FMN1: variants seen among roughly 807,000 people sequenced by gnomAD.
The protein encoded by FMN1 is formin-1.
In FMN1, 110 loss-of-function variants were observed where a neutral mutation model predicts 132.4. The observed-to-expected ratio is 0.83, with a 90% confidence interval of 0.71 to 0.97. FMN1 has a LOEUF of 0.97. Ranked by LOEUF, FMN1 falls within the 50% of genes least tolerant of loss-of-function variation. The pLI is 0.00. For synonymous variants in FMN1, 722 were observed against 651.7 expected (o/e 1.11, Z -1.64); for missense variants, 1,792 against 1,705.3 (o/e 1.05, Z -0.90).
chr15:32,798,754 A>G (rs777224503), intron 19 of FMN1, 50 bp downstream of exon 19: 2 of 1,499,870 alleles, frequency 1.3e-6, no homozygotes, highest in Non-Finnish European at 1.8e-6. Flanking sequence ...TTAAGAGTGC[A>G]GTTTCCTAGG....
chr15:32,842,768 T>C (rs2058772608), intron 17 of FMN1, among the ~76,000 whole-genome samples: 2 of 149,474 alleles, frequency 1.3e-5, no homozygotes, highest in African/African-American at 2.5e-5. Flanking sequence ...CCTCTGTCTT[T>C]GAGATGAGGG....
chr15:32,926,268 T>TAA lies in FMN1; in HGVS notation c.3139-8_3139-7insTT. ...CATCCAACAATTTGATGATCTAAAATTAGAAAAAAAAAAAAAAGAATACAA... is the reference window on the plus strand; with the variant it reads ...CATCCAACAATTTGATGATCTAAAATAATAGAAAAAAAAAAAAAAGAATACAA... On this transcript the variant is annotated splice_polypyrimidine_tract_variant and splice_region_variant and intron_variant, in intron 9 of 20. Coordinates refer to ENST00000616417, the MANE Select transcript of FMN1 (RefSeq NM_001277313.2). 1 of 1,434,604 alleles carries TAA rather than the reference T, an allele frequency of 7.0e-7. No homozygotes were observed. Among genetic ancestry groups the TAA allele is most frequent in the South Asian group, 1.3e-5 (1 of 74,278 alleles). 88.9% of individuals were successfully genotyped at this position (1,434,604 alleles called of 1,614,324 possible).
chr15:32,782,658 A>G (rs995235899), intron 19 of FMN1, among the ~76,000 whole-genome samples: 1 of 152,220 alleles, frequency 6.6e-6, no homozygotes, highest in African/African-American at 2.4e-5. Context: ...TTAATCAAAG[A>G]AAATTTGCTG....
chr15:32,884,396 G>A (rs1286492142), intron 16 of FMN1, among the ~76,000 whole-genome samples: 6 of 151,972 alleles, frequency 3.9e-5, no homozygotes, highest in South Asian at 2.1e-4. Context: ...TCATTCTTAC[G>A]TCGTTATATC....
chr15:33,137,087 C>CAAA (rs3082373), intron 4 of FMN1, among the ~76,000 whole-genome samples: 2 of 52,422 alleles, frequency 3.8e-5, no homozygotes, highest in Non-Finnish European at 6.5e-5. Flanking sequence ...GACCCCGTCT[C>CAAA]AAAAAAAAAA....
intron 17 of FMN1, among the ~76,000 whole-genome samples, chr15:32,822,326 G>A (rs538256271): frequency 1.3e-5 from 2 of 152,176 alleles, no homozygotes; most frequent in South Asian, 2.1e-4. Flanking sequence ...TCCAGGCCTG[G>A]GTGACAGAGT....
Position 32,810,211 on chromosome 15 carries a change from C to T in FMN1, c.3929-5879G>A, listed in dbSNP as rs191961076. On this transcript the variant is annotated intron_variant, in intron 17 of 20. Coordinates refer to ENST00000616417, the MANE Select transcript of FMN1 (RefSeq NM_001277313.2). Reference sequence around the variant, plus strand: ...GGATTACAGGCGTGAGCCACCGTGCCCAGCCTTGTGTACTTATTTGACAGA... The same window carrying T: ...GGATTACAGGCGTGAGCCACCGTGCTCAGCCTTGTGTACTTATTTGACAGA... Among the ~76,000 whole-genome samples the T allele has an allele frequency of 9.2e-5, 14 of 152,324 alleles. No individual in the cohort carries two copies. In the East Asian group the frequency reaches 2.7e-3, roughly 29 times the overall value.
At chr15:32,995,041 T>C (rs1175848006) in intron 7 of FMN1, among the ~76,000 whole-genome samples, 1 of 152,086 alleles carries the variant, frequency 6.6e-6, no homozygotes, top group Admixed American at 6.6e-5. Context: ...CCTCCAGTGG[T>C]GAGATTGTGG....
At chr15:32,983,981 A>T (rs527841176) in intron 7 of FMN1, among the ~76,000 whole-genome samples, 2 of 152,186 alleles carry the variant, frequency 1.3e-5, no homozygotes, top group Non-Finnish European at 2.9e-5. Flanking sequence ...TTAAAAGCTC[A>T]AAGTGTTAGG....
chr15:33,087,814 CAT>C (rs2038756844), intron 5 of FMN1, among the ~76,000 whole-genome samples: 1 of 92,068 alleles, frequency 1.1e-5, no homozygotes, highest in African/African-American at 4.6e-5. Context: ...TACATATACA[CAT>C]ATATATACAT....
At chr15:33,067,289 G>A (rs368779133) in intron 5 of FMN1, 61 of 1,613,640 alleles carry the variant, frequency 3.8e-5, no homozygotes, top group Non-Finnish European at 5.0e-5. Flanking sequence ...ACAGAGCTCT[G>A]CACCATTCAT....
intron 4 of FMN1, chr15:33,150,472 G>T: frequency 1.0e-6 from 1 of 985,422 alleles, no homozygotes; most frequent in Non-Finnish European, 1.2e-6. Context: ...TGATAATGGA[G>T]ATTCCCATGC....
intron 6 of FMN1, among the ~76,000 whole-genome samples, chr15:33,039,123 T>A (rs2036312700): frequency 6.6e-6 from 1 of 152,066 alleles, no homozygotes; most frequent in African/African-American, 2.4e-5. Context: ...TAAATAAAAA[T>A]TCAATAAAAG....
intron 4 of FMN1, among the ~76,000 whole-genome samples, chr15:33,132,237 T>C (rs1566944387): frequency 6.6e-6 from 1 of 152,116 alleles, no homozygotes; most frequent in Non-Finnish European, 1.5e-5. Flanking sequence ...ATACCAAATA[T>C]AAGCAGCTGA....
intron 17 of FMN1, among the ~76,000 whole-genome samples, chr15:32,850,645 T>C (rs558289271): frequency 2.0e-4 from 31 of 152,198 alleles, no homozygotes; most frequent in Admixed American, 1.1e-3. Flanking sequence ...TGAGCCTATA[T>C]GATGTTGGGA....
chr15:33,148,338 G>C (rs1024514200), intron 4 of FMN1, among the ~76,000 whole-genome samples: 5 of 152,102 alleles, frequency 3.3e-5, no homozygotes, highest in African/African-American at 4.8e-5. Context: ...CCTCAAAGAG[G>C]GTTAGAAGCA....
intron 9 of FMN1, among the ~76,000 whole-genome samples, chr15:32,949,743 G>T (rs957960331): frequency 6.6e-6 from 1 of 151,154 alleles, no homozygotes; most frequent in South Asian, 2.1e-4. Context: ...CACAGCAAAA[G>T]AAACTATCAA....
intron 7 of FMN1, among the ~76,000 whole-genome samples, chr15:32,976,036 T>A (rs1167566829): frequency 6.6e-6 from 1 of 152,148 alleles, no homozygotes; most frequent in Non-Finnish European, 1.5e-5. Context: ...ATGAAAGACA[T>A]CGTGTTGGTG....
chr15:32,956,983 C>T (rs1940126008), intron 9 of FMN1, among the ~76,000 whole-genome samples: 1 of 152,142 alleles, frequency 6.6e-6, no homozygotes, highest in Admixed American at 6.5e-5. Context: ...ATGCTGAAGG[C>T]TTTTGGCACC....
Sources: allele counts gnomAD v4.1 joint callset (sites outside exome capture counted in the v4.1 genomes callset), GRCh38; gene constraint gnomAD v4.1.1; transcripts MANE v1.5; gene names NCBI Gene and HGNC (gene_info 2026-07-23, HGNC 2026-07-21).